TSHZ1: variants seen among roughly 807,000 people sequenced by gnomAD.
The protein encoded by TSHZ1 is teashirt homolog 1.
Under a neutral mutation model 67.1 loss-of-function variants are expected in TSHZ1, and 12 were observed. That is an observed-to-expected ratio of 0.18 (90% CI 0.11 to 0.29). TSHZ1 has a LOEUF of 0.29. TSHZ1 is among the 10% of genes least tolerant of loss of function. The probability of loss-of-function intolerance (pLI) is 1.00; values close to 1 mark genes in which losing one functional copy is unlikely to be tolerated. For missense variants in TSHZ1, 1,305 were observed against 1,413.9 expected, an observed-to-expected ratio of 0.92 and a Z score of 1.23; for synonymous variants, 632 against 622.4, an observed-to-expected ratio of 1.02 and a Z score of -0.23.
chr18:75,212,366 A>T (rs956910763), intron 1 of TSHZ1, among the ~76,000 whole-genome samples: 1 of 151,798 alleles, frequency 6.6e-6, no homozygotes, highest in Admixed American at 6.6e-5. Context: ...TTCTCTGGAA[A>T]ACAGCAGCCT....
At chr18:75,236,273 G>C (rs965918304) in intron 1 of TSHZ1, among the ~76,000 whole-genome samples, 1 of 152,148 alleles carries the variant, frequency 6.6e-6, no homozygotes, top group Non-Finnish European at 1.5e-5. Flanking sequence ...TCACAGGAGG[G>C]AGATGGCGTT....
intron 1 of TSHZ1, among the ~76,000 whole-genome samples, chr18:75,261,736 A>G (rs2023433130): frequency 6.6e-6 from 1 of 152,246 alleles, no homozygotes; most frequent in African/African-American, 2.4e-5. Flanking sequence ...CATCATTTGA[A>G]TGCTGTAGGA....
At chr18:75,253,880 A>G (rs754402142) in intron 1 of TSHZ1, among the ~76,000 whole-genome samples, 10 of 152,240 alleles carry the variant, frequency 6.6e-5, no homozygotes, top group Admixed American at 5.9e-4. Flanking sequence ...AATACCCACC[A>G]GTTTTTCAGA....
At position 75,285,583 on chromosome 18, in the gene TSHZ1, A is replaced by G. The variant is rs2023741429; in HGVS notation, c.176A>G (p.Tyr59Cys). 4 of 1,605,252 alleles carry G rather than the reference A, an allele frequency of 2.5e-6. No homozygotes were observed. Among genetic ancestry groups the G allele is most frequent in the Non-Finnish European group, 3.4e-6 (4 of 1,173,334 alleles). ...EETEIKEAQSYQNSPVSSATN... is the reference protein window; with the variant it reads ...EETEIKEAQSCQNSPVSSATN... The stretch of plus-strand genomic sequence containing the variant: ...ACGGAGATCAAAGAGGCGCAGAGCT[A>G]CCAGAACTCCCCAGTCAGCTCTGCG... Residue 59 changes from tyrosine (Y) to cysteine (C), a missense_variant, in exon 2 of 2, where the codon TAC (tyrosine) becomes TGC (cysteine). This residue lies in a region of TSHZ1 where 358 missense variants were observed against 375.6 expected (regional missense o/e 0.95). Transcript: ENST00000580243.
At chr18:75,216,119 A>G (rs2022764005) in intron 1 of TSHZ1, among the ~76,000 whole-genome samples, 1 of 152,238 alleles carries the variant, frequency 6.6e-6, no homozygotes, top group Admixed American at 6.5e-5. Flanking sequence ...TTATTTATTC[A>G]TACAGGGGGA....
intron 1 of TSHZ1, 162 bp from the exon 2 acceptor site, chr18:75,285,286 A>G (rs1734951057): frequency 7.6e-6 from 6 of 792,558 alleles, no homozygotes; most frequent in Non-Finnish European, 7.3e-6. Flanking sequence ...CACCTTTTGA[A>G]ACCTAACTCC....
At chr18:75,223,709 G>T (rs2022880301) in intron 1 of TSHZ1, among the ~76,000 whole-genome samples, 1 of 151,826 alleles carries the variant, frequency 6.6e-6, no homozygotes, top group Non-Finnish European at 1.5e-5. Context: ...CGAGTTTGTA[G>T]TTTGCAGGCC....
Position 75,285,800 on chromosome 18 carries a change from C to A in TSHZ1, c.393C>A (p.Ser131Arg). The A allele has an allele frequency of 6.2e-7, 1 of 1,614,110 alleles. No homozygotes were observed. The highest frequency in any genetic ancestry group is 8.5e-7 in the Non-Finnish European group (1 of 1,180,026). Residue 131 changes from serine to arginine, a missense_variant, in exon 2 of 2, where the codon AGC becomes AGA. Physicochemically the swap from Ser to Arg is moderately radical, Grantham distance 110. Coordinates refer to ENST00000580243, the MANE Select transcript of TSHZ1 (RefSeq NM_001308210.2). ...ANLFSESCWS[S>R]LALDLKKSGS... Reference sequence around the variant, plus strand: ...TGTTCTCCGAGTCCTGCTGGTCCAGCTTAGCTCTGGATTTAAAGAAGTCGG... The same window carrying A: ...TGTTCTCCGAGTCCTGCTGGTCCAGATTAGCTCTGGATTTAAAGAAGTCGG...
intron 1 of TSHZ1, among the ~76,000 whole-genome samples, chr18:75,251,003 C>T (rs966876354): frequency 6.6e-6 from 1 of 152,228 alleles, no homozygotes; most frequent in African/African-American, 2.4e-5. Flanking sequence ...TAACCCCATG[C>T]ACAGGAGTTA....
In TSHZ1 at chr18:75,285,772, A is replaced by G. The variant is rs1421870612; in HGVS notation, c.365A>G (p.Asn122Ser). 6.2e-7 allele frequency: 1 copy of G among 1,614,048 alleles called. No homozygotes were observed. Among genetic ancestry groups the G allele is most frequent in the South Asian group, 1.1e-5 (1 of 91,076 alleles). Residue 122 changes from asparagine to serine, a missense_variant, in exon 2 of 2, where the codon AAC becomes AGC. By Grantham distance (46) the Asn-to-Ser change is conservative. Transcript: ENST00000580243. ...SLAQIKAVYANLFSESCWSSL... is the reference protein window; with the variant it reads ...SLAQIKAVYASLFSESCWSSL... ...GCACAGATCAAAGCTGTGTATGCAAACTTGTTCTCCGAGTCCTGCTGGTCC... is the reference window on the plus strand; with the variant it reads ...GCACAGATCAAAGCTGTGTATGCAAGCTTGTTCTCCGAGTCCTGCTGGTCC...
chr18:75,271,455 C>T (rs756938821), intron 1 of TSHZ1, among the ~76,000 whole-genome samples: 4 of 152,198 alleles, frequency 2.6e-5, no homozygotes, highest in Non-Finnish European at 4.4e-5. Context: ...GAAATCCACT[C>T]ACCTGCAGAA....
At chr18:75,227,274 G>A (rs1394730766) in intron 1 of TSHZ1, among the ~76,000 whole-genome samples, 1 of 151,628 alleles carries the variant, frequency 6.6e-6, no homozygotes, top group Non-Finnish European at 1.5e-5. Flanking sequence ...TTTTACTCCA[G>A]GCTATTTTTG....
intron 1 of TSHZ1, among the ~76,000 whole-genome samples, chr18:75,259,818 A>G (rs1453677876): frequency 1.3e-5 from 2 of 152,226 alleles, no homozygotes; most frequent in Non-Finnish European, 2.9e-5. Context: ...ACCCTAAACA[A>G]TGCTGCTGGG....
intron 1 of TSHZ1, among the ~76,000 whole-genome samples, chr18:75,269,825 C>A (rs1003748399): frequency 8.5e-5 from 13 of 152,140 alleles, no homozygotes; most frequent in African/African-American, 2.4e-5. Flanking sequence ...GCCCCCCTGG[C>A]TCCCAGCAGC....
chr18:75,274,529 C>A (rs1451350520), intron 1 of TSHZ1, among the ~76,000 whole-genome samples: 6 of 152,104 alleles, frequency 3.9e-5, no homozygotes, highest in African/African-American at 1.4e-4. Flanking sequence ...AGCATTTCTA[C>A]AAATATCATA....
intron 1 of TSHZ1, among the ~76,000 whole-genome samples, chr18:75,239,526 G>A (rs894917418): frequency 3.3e-5 from 5 of 152,114 alleles, no homozygotes; most frequent in African/African-American, 9.7e-5. Context: ...TAAGAGACTG[G>A]ATCTGGCTCT....
Position 75,286,083 on chromosome 18 carries a change from G to T in TSHZ1, c.676G>T (p.Val226Leu). The change falls in exon 2 of 2, where the codon GTG becomes TTG. Residue 226 changes from valine (V) to leucine (L), a missense_variant. Val to Leu is a conservative substitution (Grantham distance 32). Coordinates refer to ENST00000580243, the MANE Select transcript of TSHZ1 (RefSeq NM_001308210.2). This position sits in a 1 kb window ranked among gnomAD's most constrained non-coding sequence, Gnocchi z 5.1. ...LLPEPSLFST[V>L]QLYRQNNKLY... Reference sequence around the variant, plus strand: ...TCCTGAGCCCAGCCTGTTCAGCACCGTGCAGCTCTACCGCCAGAACAACAA... The same window carrying T: ...TCCTGAGCCCAGCCTGTTCAGCACCTTGCAGCTCTACCGCCAGAACAACAA... 1 of 1,612,352 alleles carries T rather than the reference G, an allele frequency of 6.2e-7. No individual in the cohort carries two copies. The highest frequency in any genetic ancestry group is 1.3e-5 in the African/African-American group (1 of 74,962).
chr18:75,229,222 G>A (rs1198990058), intron 1 of TSHZ1, among the ~76,000 whole-genome samples: 12 of 152,268 alleles, frequency 7.9e-5, no homozygotes, highest in African/African-American at 2.9e-4. Context: ...CAGCTTTGAT[G>A]CTCAGAGAGT....
intron 1 of TSHZ1, among the ~76,000 whole-genome samples, chr18:75,267,490 G>A (rs6566071): frequency 0.57 from 86,918 of 151,998 alleles, 25,075 homozygotes; most frequent in South Asian, 0.69. Flanking sequence ...GTGGGGCTGC[G>A]CCAGTGGGTC....
Sources: gnomAD v4.1 joint callset for allele counts (sites outside exome capture counted in the v4.1 genomes callset) on GRCh38, gnomAD v4.1.1 for gene constraint, gnomAD v4.1.1 regional missense constraint, Gnocchi (gnomAD v3.1) non-coding constraint, MANE v1.5 for transcripts, NCBI Gene and HGNC (gene_info 2026-07-23, HGNC 2026-07-21) for gene names.